Variants in SPMIP2 observed in about 807,000 individuals in gnomAD.
SPMIP2 encodes sperm microtubule inner protein 2, also known as protein SPMIP2.
chr4:158,952,115 C>T, the SPMIP2 span, among the ~76,000 whole-genome samples: 1 of 152,126 alleles, frequency 6.6e-6, no homozygotes, highest in East Asian at 1.9e-4. Flanking sequence ...GATCCACTGT[C>T]TCTGAGGTAA....
At chr4:158,991,801 A>C in the SPMIP2 span, among the ~76,000 whole-genome samples, 1,270 of 152,314 alleles carry the variant, frequency 8.3e-3, 15 homozygotes, top group Non-Finnish European at 0.015. Flanking sequence ...TAAACAGTGA[A>C]ATATGGAAGA....
the SPMIP2 span, among the ~76,000 whole-genome samples, chr4:158,898,220 G>T: frequency 3.3e-5 from 5 of 152,208 alleles, no homozygotes; most frequent in Admixed American, 3.3e-4. Flanking sequence ...TACCAATACC[G>T]TGCTGTTTTG....
chr4:159,080,380 C>G, the SPMIP2 span, among the ~76,000 whole-genome samples: 2 of 152,016 alleles, frequency 1.3e-5, no homozygotes, highest in Admixed American at 1.3e-4. Context: ...CCACACCAGG[C>G]TAATTAAAAA....
chr4:159,036,354 C>G, the SPMIP2 span, among the ~76,000 whole-genome samples: 13 of 152,212 alleles, frequency 8.5e-5, no homozygotes, highest in Non-Finnish European at 1.9e-4. Context: ...TCAGCACCTT[C>G]GGGGTCTGCC....
At chr4:158,927,499 C>T in the SPMIP2 span, among the ~76,000 whole-genome samples, 1 of 152,208 alleles carries the variant, frequency 6.6e-6, no homozygotes, top group African/African-American at 2.4e-5. Context: ...CTCTGTCACC[C>T]AGGCTGCAGT....
At chr4:158,987,387 G>A in the SPMIP2 span, among the ~76,000 whole-genome samples, 1 of 152,022 alleles carries the variant, frequency 6.6e-6, no homozygotes, top group Non-Finnish European at 1.5e-5. Flanking sequence ...CAACCCAAAT[G>A]TCCAACAATG....
At chr4:158,899,625 A>C in the SPMIP2 span, among the ~76,000 whole-genome samples, 1 of 152,162 alleles carries the variant, frequency 6.6e-6, no homozygotes, top group Non-Finnish European at 1.5e-5. Flanking sequence ...TAGATTTTCT[A>C]GTTTATTTGA....
chr4:158,977,443 C>T, the SPMIP2 span, among the ~76,000 whole-genome samples: 21 of 151,760 alleles, frequency 1.4e-4, no homozygotes, highest in Non-Finnish European at 2.9e-4. Flanking sequence ...GGTGATCTCC[C>T]CTTTATCATT....
the SPMIP2 span, among the ~76,000 whole-genome samples, chr4:159,005,836 C>T: frequency 6.6e-6 from 1 of 152,212 alleles, no homozygotes; most frequent in Admixed American, 6.5e-5. Flanking sequence ...GCAATCTCGG[C>T]TCACTGTAAC....
the SPMIP2 span, among the ~76,000 whole-genome samples, chr4:158,902,987 A>G: frequency 1.3e-5 from 2 of 152,054 alleles, no homozygotes; most frequent in Non-Finnish European, 2.9e-5. Flanking sequence ...TTTCCAGGGG[A>G]GTGAACCGTT....
At chr4:159,060,936 T>C in the SPMIP2 span, among the ~76,000 whole-genome samples, 1 of 151,714 alleles carries the variant, frequency 6.6e-6, no homozygotes, top group Non-Finnish European at 1.5e-5. Flanking sequence ...AATATATAAA[T>C]TAGCTGGCTG....
the SPMIP2 span, among the ~76,000 whole-genome samples, chr4:158,924,568 G>T: frequency 6.6e-6 from 1 of 151,924 alleles, no homozygotes; most frequent in African/African-American, 2.4e-5. Flanking sequence ...TTTTAGTAGA[G>T]ACATGGTTTC....
At chr4:158,937,078 A>G in the SPMIP2 span, among the ~76,000 whole-genome samples, 1 of 152,214 alleles carries the variant, frequency 6.6e-6, no homozygotes, top group South Asian at 2.1e-4. Context: ...ACGTATCATC[A>G]TTGAGCTGAT....
chr4:159,010,791 T>C, the SPMIP2 span, among the ~76,000 whole-genome samples: 1 of 152,224 alleles, frequency 6.6e-6, no homozygotes, highest in South Asian at 2.1e-4. Context: ...AGCTCCACGC[T>C]CCACACCAAC....
chr4:158,952,471 C>G, the SPMIP2 span, among the ~76,000 whole-genome samples: 12 of 152,310 alleles, frequency 7.9e-5, no homozygotes, highest in East Asian at 2.3e-3. Context: ...ACTTCCCCAG[C>G]CATGTGGAAC....
the SPMIP2 span, among the ~76,000 whole-genome samples, chr4:158,996,379 T>A: frequency 6.6e-6 from 1 of 152,194 alleles, no homozygotes; most frequent in Non-Finnish European, 1.5e-5. Flanking sequence ...TGGCTTGCAA[T>A]TTTCCTAGCA....
the SPMIP2 span, among the ~76,000 whole-genome samples, chr4:159,052,963 T>A: frequency 9.8e-3 from 1,391 of 142,602 alleles, 11 homozygotes; most frequent in Middle Eastern, 0.03. Context: ...TTATTTTTTT[T>A]TTTTTTTTTT....
chr4:159,064,071 C>T, the SPMIP2 span, among the ~76,000 whole-genome samples: 1 of 152,056 alleles, frequency 6.6e-6, no homozygotes, highest in African/African-American at 2.4e-5. Flanking sequence ...CTTGGCTGGG[C>T]GTGGTAGCTC....
At chr4:158,955,227 C>T in the SPMIP2 span, among the ~76,000 whole-genome samples, 88,541 of 151,920 alleles carry the variant, frequency 0.58, 26,190 homozygotes, top group South Asian at 0.75. Context: ...GAATCTTGTG[C>T]TGAAATCATC....
Sources: allele counts gnomAD v4.1 joint callset (sites outside exome capture counted in the v4.1 genomes callset), GRCh38; gene constraint gnomAD v4.1.1; transcripts MANE v1.5; gene names NCBI Gene and HGNC (gene_info 2026-07-23, HGNC 2026-07-21).